The following PSCA variants were observed in gnomAD, a reference collection of about 807,000 sequenced individuals.
PSCA encodes the protein prostate stem cell antigen.
In PSCA, 7 loss-of-function variants were observed where a neutral mutation model predicts 7.9. That is an observed-to-expected ratio of 0.89 (90% CI 0.51 to 1.67). PSCA has a LOEUF of 1.67. PSCA is among the 40% of genes most tolerant of loss of function. The pLI, the probability that PSCA is intolerant of heterozygous loss-of-function variation, is 0.00. For synonymous variants in PSCA, 61 were observed against 68.3 expected (o/e 0.89, Z 0.53); for missense variants, 151 against 147.9 (o/e 1.02, Z -0.11).
chr8:142,682,142 G>A lies in PSCA; in HGVS notation c.*10G>A, dbSNP rs1554638465. The A allele has an allele frequency of 2.5e-6, 4 of 1,593,282 alleles. No individual in the cohort carries two copies. The highest frequency in any genetic ancestry group is 2.2e-5 in the East Asian group (1 of 44,614). On this transcript the variant is annotated 3_prime_UTR_variant, in exon 3 of 3. Coordinates refer to ENST00000301258, the MANE Select transcript of PSCA (RefSeq NM_005672.5). The stretch of plus-strand genomic sequence containing the variant: ...ACCCGGCCAGCTCTAGGCTCTGGGG[G>A]GCCCCGCTGCAGCCCACACTGGGTG...
In PSCA at chr8:142,673,252, C is replaced by G. The variant is rs1380699301; in HGVS notation, n.261+2684C>G. On this transcript the variant is annotated intron_variant and non_coding_transcript_variant, in intron 1 of 1. Coordinates refer to the PSCA transcript ENST00000505305. This position sits in a 1 kb window ranked among gnomAD's most constrained non-coding sequence, Gnocchi z 4.6. ...TTTAACTCCTATTTTTAACTGCCAC[C>G]TCAGGGACATGGGATCACGTGGTCT... is the stretch of plus-strand genomic sequence containing the variant. 6.6e-6 allele frequency among the ~76,000 whole-genome samples: 1 copy of G among 152,146 alleles called. No homozygotes were observed. Among genetic ancestry groups the G allele is most frequent in the Non-Finnish European group, 1.5e-5 (1 of 68,034 alleles).
chr8:142,679,381 AG>A (rs1847435790), upstream of PSCA, among the ~76,000 whole-genome samples: 1 of 151,912 alleles, frequency 6.6e-6, no homozygotes, highest in South Asian at 2.1e-4. Flanking sequence ...CCCGTCCAAC[AG>A]GGTCTCCTCC....
intron 1 of PSCA, among the ~76,000 whole-genome samples, chr8:142,675,225 A>G (rs1847385126): frequency 6.6e-6 from 1 of 152,148 alleles, no homozygotes; most frequent in Non-Finnish European, 1.5e-5. Context: ...TGGCAGGAGC[A>G]GAGGGTGCAG....
intron 2 of PSCA, chr8:142,681,662 C>T: frequency 1.6e-6 from 1 of 612,650 alleles, no homozygotes; most frequent in South Asian, 1.9e-5. Context: ...CACTCCTCCA[C>T]CCATCTGTCC....
chr8:142,673,734 A>G lies in PSCA; in HGVS notation n.261+3166A>G, dbSNP rs980029920. Among the ~76,000 whole-genome samples, 6 of 152,236 alleles carry G rather than the reference A, an allele frequency of 3.9e-5. No homozygotes were observed. The highest frequency in any genetic ancestry group is 1.4e-4 in the African/African-American group (6 of 41,466). ...ACTGAGTTTGCGTCCAGGTGGGGCC[A>G]CAGGACCGGCTGCGGGGTTGGTGGG... On this transcript the variant is annotated intron_variant and non_coding_transcript_variant, in intron 1 of 1. Coordinates refer to the PSCA transcript ENST00000505305. This position sits in a 1 kb window ranked among gnomAD's most constrained non-coding sequence, Gnocchi z 4.6.
At chr8:142,675,474 G>A (rs13249440), upstream of PSCA, among the ~76,000 whole-genome samples, 66,877 of 151,788 alleles carry the variant, frequency 0.44, 14,892 homozygotes, top group Admixed American at 0.51. Flanking sequence ...GCTTGGGGAA[G>A]AACGCCTCTG....
upstream of PSCA, among the ~76,000 whole-genome samples, chr8:142,678,099 AGCCTTCCTGGACGGTGCAG>A (rs1407721636): frequency 9.9e-5 from 15 of 152,112 alleles, no homozygotes; most frequent in Non-Finnish European, 1.8e-4. Flanking sequence ...AACATCTACC[AGCCTTCCTGGACGGTGCAG>A]GCCTTCCTGG....
chr8:142,670,586 T>C (rs1554637274), intron 1 of PSCA: 2 of 152,168 alleles, frequency 1.3e-5, no homozygotes, highest in Non-Finnish European at 2.9e-5. Context: ...TGGACCTGAG[T>C]TGGTGCTGTA....
At chr8:142,671,019 G>A (rs782322093) in intron 1 of PSCA, among the ~76,000 whole-genome samples, 12 of 152,246 alleles carry the variant, frequency 7.9e-5, no homozygotes, top group East Asian at 1.9e-4. Flanking sequence ...CAATGTAAGC[G>A]CTATGTAGAT....
chr8:142,678,442 G>C (rs1847422981), upstream of PSCA, among the ~76,000 whole-genome samples: 1 of 152,214 alleles, frequency 6.6e-6, no homozygotes, highest in Non-Finnish European at 1.5e-5. Context: ...CATGTACAAA[G>C]GCAGGGGTCA....
intron 1 of PSCA, among the ~76,000 whole-genome samples, chr8:142,674,315 G>A (rs1168837837): frequency 7.1e-6 from 1 of 140,810 alleles, no homozygotes; most frequent in Non-Finnish European, 1.5e-5. Flanking sequence ...TCTAACCTCA[G>A]CAGAGCTCAG....
In PSCA at chr8:142,672,277, C is replaced by CCCG. The variant is rs1554637447; in HGVS notation, n.261+1711_261+1712insGCC. Among the ~76,000 whole-genome samples the CCCG allele has an allele frequency of 1.1e-4, 16 of 151,654 alleles. No homozygotes were observed. The East Asian group carries it at 1.9e-3, about 18-fold the overall frequency. ...CTTCTCACTCCCTCCAACTGCCCTCCCCAATCCACACCTCTGTGGTCTTGC... is the reference window on the plus strand; with the variant it reads ...CTTCTCACTCCCTCCAACTGCCCTCCCCGCCAATCCACACCTCTGTGGTCTTGC... On this transcript the variant is annotated intron_variant and non_coding_transcript_variant, in intron 1 of 1. Transcript: ENST00000505305.
intron 1 of PSCA, among the ~76,000 whole-genome samples, chr8:142,671,692 C>T (rs1265501030): frequency 2.6e-5 from 4 of 152,160 alleles, no homozygotes; most frequent in Non-Finnish European, 5.9e-5. Context: ...GCTGGGACTA[C>T]AAGCATGCAC....
upstream of PSCA, chr8:142,679,840 C>T (rs1847441216): frequency 6.6e-6 from 1 of 152,242 alleles, no homozygotes; most frequent in South Asian, 2.1e-4. Context: ...GATGTTAACG[C>T]TGGCTGTTCC....
intron 1 of PSCA, among the ~76,000 whole-genome samples, chr8:142,671,794 A>G (rs1277307655): frequency 6.6e-6 from 1 of 152,084 alleles, no homozygotes; most frequent in Non-Finnish European, 1.5e-5. Context: ...GCGATCCCAA[A>G]ATGCTGGGAT....
intron 2 of PSCA, 97 bp from the exon 3 acceptor site, chr8:142,681,824 T>TA (rs1250634016): frequency 2.3e-6 from 2 of 875,074 alleles, no homozygotes; most frequent in Non-Finnish European, 3.5e-6. Flanking sequence ...AGGGGGACTC[T>TA]AGAGCATTAG....
intron 1 of PSCA, among the ~76,000 whole-genome samples, chr8:142,671,270 G>A (rs1847321150): frequency 6.6e-6 from 1 of 152,146 alleles, no homozygotes; most frequent in South Asian, 2.1e-4. Context: ...AACAGACACA[G>A]GGGTTGGAGT....
At chr8:142,678,845 A>G (rs1301240877), upstream of PSCA, among the ~76,000 whole-genome samples, 3 of 151,548 alleles carry the variant, frequency 2.0e-5, no homozygotes, top group African/African-American at 7.3e-5. Context: ...GCCGGCTGGC[A>G]GGAGAGCCTA....
rs1314759226 is a variant in PSCA, at chr8:142,673,747, C to T, written n.261+3179C>T. Among the ~76,000 whole-genome samples the T allele has an allele frequency of 2.0e-5, 3 of 152,250 alleles. No homozygotes were observed. Among genetic ancestry groups the T allele is most frequent in the East Asian group, 1.9e-4 (1 of 5,178 alleles). On this transcript the variant is annotated intron_variant and non_coding_transcript_variant, in intron 1 of 1. Coordinates refer to the PSCA transcript ENST00000505305. This position sits in a 1 kb window ranked among gnomAD's most constrained non-coding sequence, Gnocchi z 4.6. ...CCAGGTGGGGCCACAGGACCGGCTG[C>T]GGGGTTGGTGGGCCTCGCTAGAGCC...
Sources: allele counts gnomAD v4.1 joint callset (sites outside exome capture counted in the v4.1 genomes callset), GRCh38; gene constraint gnomAD v4.1.1; non-coding constraint Gnocchi (gnomAD v3.1); transcripts MANE v1.5; gene names NCBI Gene and HGNC (gene_info 2026-07-23, HGNC 2026-07-21).